Variants in OTC observed in about 807,000 individuals in gnomAD.
OTC encodes the protein ornithine transcarbamylase.
Under a neutral mutation model 30.3 loss-of-function variants are expected in OTC, and 3 were observed. The ratio of observed to expected loss-of-function variants is 0.10; its 90% confidence interval spans 0.05 to 0.26. OTC has a LOEUF of 0.26. Among genes scored for constraint, OTC ranks in the 10% least tolerant of loss-of-function variants. The probability of loss-of-function intolerance (pLI) is 1.00; values close to 1 mark genes in which losing one functional copy is unlikely to be tolerated. For synonymous variants in OTC, 111 were observed against 99.7 expected (o/e 1.11, Z -0.67); for missense variants, 194 against 260.3 (o/e 0.75, Z 1.75).
intron 3 of OTC, among the ~76,000 whole-genome samples, chrX:38,380,024 A>G (rs955995637): frequency 1.8e-5 from 2 of 112,305 alleles, no homozygotes; most frequent in African/African-American, 3.2e-5. Flanking sequence ...TTGTTGAACT[A>G]AAGTAAATTA....
chrX:38,388,521 G>T (rs949059218), intron 4 of OTC, among the ~76,000 whole-genome samples: 1 of 109,392 alleles, frequency 9.1e-6, no homozygotes, highest in Non-Finnish European at 1.9e-5. Flanking sequence ...TCAGATCACT[G>T]ATTTTTTAGA....
chrX:38,387,255 C>T (rs749213625), intron 4 of OTC, among the ~76,000 whole-genome samples: 2 of 111,666 alleles, frequency 1.8e-5, no homozygotes, highest in East Asian at 5.6e-4. Context: ...GTTGCCTTTT[C>T]ACTCTGTTGA....
At chrX:38,378,078 C>T (rs1292661099) in intron 3 of OTC, among the ~76,000 whole-genome samples, 3 of 107,119 alleles carry the variant, frequency 2.8e-5, no homozygotes, top group South Asian at 4.3e-4. Flanking sequence ...TCAGGTGATC[C>T]GCCCACCTTG....
At chrX:38,384,494 T>C (rs1354350910) in intron 4 of OTC, among the ~76,000 whole-genome samples, 1 of 112,361 alleles carries the variant, frequency 8.9e-6, no homozygotes, top group Non-Finnish European at 1.9e-5. Context: ...ACAGATGCAA[T>C]TGAATAGGAG....
intron 9 of OTC, among the ~76,000 whole-genome samples, chrX:38,415,960 A>G (rs776465688): frequency 2.5e-3 from 276 of 112,490 alleles, no homozygotes; most frequent in Non-Finnish European, 4.5e-3. Flanking sequence ...TGGTGGCTAC[A>G]CTATTGGTAT....
rs371368820 is a variant in OTC at position 38,408,808 on chromosome X, C to T, written c.717+13C>T. 6.6e-6 allele frequency: 8 copies of T among 1,203,495 alleles called. No individual in the cohort carries two copies. In the African/African-American group the frequency reaches 1.4e-4, roughly 21 times the overall value. The stretch of plus-strand genomic sequence containing the variant: ...GTATGCCAAAGAGGTATGCTCTTTA[C>T]ATGTAAAGCTATTATTGCCTTTTAC... On this transcript the variant is annotated intron_variant, in intron 7 of 9. Transcript: ENST00000039007.
chrX:38,398,987 C>A (rs1366014240), intron 4 of OTC, among the ~76,000 whole-genome samples: 2 of 111,777 alleles, frequency 1.8e-5, no homozygotes. Flanking sequence ...GTTTAGCTGC[C>A]TTTTTCCCTC....
At chrX:38,395,634 G>A in intron 4 of OTC, 1 of 151,504 alleles carries the variant, frequency 6.6e-6, no homozygotes, top group South Asian at 1.9e-4. Context: ...TAGGAGGAAG[G>A]GAAGACACAA....
At chrX:38,418,074 T>C (rs1405918470) in intron 9 of OTC, among the ~76,000 whole-genome samples, 1 of 111,722 alleles carries the variant, frequency 9.0e-6, no homozygotes, top group African/African-American at 3.3e-5. Context: ...TCATTTTTTA[T>C]AAAGGCTGTA....
At chrX:38,404,536 T>A (rs2068506622) in intron 6 of OTC, among the ~76,000 whole-genome samples, 1 of 111,994 alleles carries the variant, frequency 8.9e-6, no homozygotes. Flanking sequence ...ACCGTGTACT[T>A]ACACAAACGT....
chrX:38,400,525 G>C (rs1288139023), intron 4 of OTC, among the ~76,000 whole-genome samples: 1 of 111,072 alleles, frequency 9.0e-6, no homozygotes, highest in Non-Finnish European at 1.9e-5. Flanking sequence ...TTCAGACAGG[G>C]AGGCAGGTCT....
At chrX:38,420,985 T>C (rs764003583) in intron 9 of OTC, 38 bp from the exon 10 acceptor site, 1 of 1,073,355 alleles carries the variant, frequency 9.3e-7, no homozygotes, top group South Asian at 1.8e-5. Flanking sequence ...CTGTCGCTAA[T>C]GTTTATCCAT....
At chrX:38,394,898 G>A (rs866027984) in intron 4 of OTC, among the ~76,000 whole-genome samples, 1 of 110,945 alleles carries the variant, frequency 9.0e-6, no homozygotes, top group Admixed American at 9.7e-5. Flanking sequence ...GTTTCTGGGG[G>A]GGGGCAGGGC....
chrX:38,343,818 T>G, the OTC span, among the ~76,000 whole-genome samples: 2 of 112,330 alleles, frequency 1.8e-5, no homozygotes, highest in Non-Finnish European at 3.8e-5. Flanking sequence ...CTGTTCAGAA[T>G]TTTAGCCTTT....
chrX:38,385,999 A>G (rs2068400868), intron 4 of OTC, among the ~76,000 whole-genome samples: 2 of 109,954 alleles, frequency 1.8e-5, no homozygotes, highest in African/African-American at 6.7e-5. Flanking sequence ...AGGCAGGAGA[A>G]TTGCTTGAGC....
intron 4 of OTC, among the ~76,000 whole-genome samples, chrX:38,384,994 G>A (rs1031291320): frequency 1.8e-5 from 2 of 111,569 alleles, no homozygotes; most frequent in African/African-American, 6.5e-5. Context: ...GCTGGGTGCG[G>A]TGGCTCACGT....
At chrX:38,363,104 A>G (rs1324049578) in intron 1 of OTC, among the ~76,000 whole-genome samples, 1 of 111,737 alleles carries the variant, frequency 8.9e-6, no homozygotes, top group African/African-American at 3.2e-5. Flanking sequence ...TGTGGGCTCC[A>G]AAATAACCAG....
downstream of OTC, among the ~76,000 whole-genome samples, chrX:38,422,504 G>A (rs2068600561): frequency 8.9e-6 from 1 of 111,925 alleles, no homozygotes; most frequent in Non-Finnish European, 1.9e-5. Context: ...TTGCCAAATG[G>A]TCTGCCATAG....
rs1051365488 is a variant in OTC, at chrX:38,352,706, A to G, written c.10A>G (p.Asn4Asp). The G allele has an allele frequency of 2.5e-6, 3 of 1,201,898 alleles. No homozygotes were observed. Among genetic ancestry groups the G allele is most frequent in the Non-Finnish European group, 3.4e-6 (3 of 887,634 alleles). MLF[N>D]LRILLNNAAF... ...ACACAATTAAAAGAAGATGCTGTTT[A>G]ATCTGAGGATCCTGTTAAACAATGC... The change falls in exon 1 of 10, where the codon AAT (asparagine) becomes GAT (aspartate). Residue 4 changes from asparagine (N) to aspartate (D), a missense_variant. Asn to Asp is a conservative substitution (Grantham distance 23). Coordinates refer to ENST00000039007, the MANE Select transcript of OTC (RefSeq NM_000531.6).
Sources: gnomAD v4.1 joint callset for allele counts (sites outside exome capture counted in the v4.1 genomes callset) on GRCh38, gnomAD v4.1.1 for gene constraint, MANE v1.5 for transcripts, NCBI Gene and HGNC (gene_info 2026-07-23, HGNC 2026-07-21) for gene names.